The following TAF1B variants were observed in gnomAD, a reference collection of about 807,000 sequenced individuals.
TAF1B encodes TATA-box binding protein associated factor, RNA polymerase I subunit B.
In TAF1B, 61 loss-of-function variants were observed where a neutral mutation model predicts 83.9. That is an observed-to-expected ratio of 0.73 (90% CI 0.59 to 0.90). The LOEUF is 0.90. TAF1B is among the 40% of genes least tolerant of loss of function. The pLI, the probability that TAF1B is intolerant of heterozygous loss-of-function variation, is 0.00. For synonymous variants in TAF1B, 221 were observed against 224.6 expected (o/e 0.98, Z 0.14); for missense variants, 625 against 677.0 (o/e 0.92, Z 0.85).
At chr2:9,856,051 T>G (rs1005268390) in intron 5 of TAF1B, among the ~76,000 whole-genome samples, 1 of 152,208 alleles carries the variant, frequency 6.6e-6, no homozygotes, top group Non-Finnish European at 1.5e-5. Flanking sequence ...TTTGGCCCAG[T>G]GTTTCCTTGT....
chr2:9,870,006 A>C (rs1664115860), intron 6 of TAF1B, among the ~76,000 whole-genome samples: 1 of 152,134 alleles, frequency 6.6e-6, no homozygotes, highest in South Asian at 2.1e-4. Flanking sequence ...CATTCCAGAA[A>C]GTTTTTCTTC....
At chr2:9,851,203 C>CT (rs916143761) in intron 3 of TAF1B, among the ~76,000 whole-genome samples, 7 of 151,856 alleles carry the variant, frequency 4.6e-5, no homozygotes, top group Admixed American at 2.0e-4. Context: ...ACTCGTTTCA[C>CT]TTTTTTTTAA....
rs368313312 is a variant in TAF1B, at chr2:9,929,244, C to T, written c.1566-4539C>T. Reference sequence around the variant, plus strand: ...CACAATCTCGGCTGACTGCAACCTCCGCCTCCCGGGTTCACGCCATTCTCC... The same window carrying T: ...CACAATCTCGGCTGACTGCAACCTCTGCCTCCCGGGTTCACGCCATTCTCC... On this transcript the variant is annotated intron_variant, in intron 14 of 14. Coordinates refer to ENST00000263663, the MANE Select transcript of TAF1B (RefSeq NM_005680.3). Among the ~76,000 whole-genome samples, 68 of 152,200 alleles carry T rather than the reference C, an allele frequency of 4.5e-4. 1 individual carries two copies. The South Asian group carries it at 0.014, about 31-fold the overall frequency.
intron 12 of TAF1B, 26 bp from the exon 13 acceptor site, chr2:9,919,015 T>G: frequency 6.3e-7 from 1 of 1,594,530 alleles, no homozygotes; most frequent in South Asian, 1.1e-5. Flanking sequence ...TCCGTCCTGC[T>G]CCAGCTGTTT....
chr2:9,910,076 T>G (rs1572275301), intron 9 of TAF1B, among the ~76,000 whole-genome samples: 2 of 152,244 alleles, frequency 1.3e-5, no homozygotes, highest in Admixed American at 1.3e-4. Flanking sequence ...GTACAGAAAT[T>G]TTTTGTTTAG....
chr2:9,893,948 A>G (rs1310754045), intron 8 of TAF1B, among the ~76,000 whole-genome samples: 1 of 152,186 alleles, frequency 6.6e-6, no homozygotes, highest in Non-Finnish European at 1.5e-5. Flanking sequence ...CAGATATAGT[A>G]TATGTATTCT....
chr2:9,928,797 A>T (rs1264901954), intron 14 of TAF1B, among the ~76,000 whole-genome samples: 1 of 152,236 alleles, frequency 6.6e-6, no homozygotes, highest in Non-Finnish European at 1.5e-5. Flanking sequence ...CAATCATGTC[A>T]TGTACAAACA....
At chr2:9,927,160 G>T (rs748107469) in intron 14 of TAF1B, among the ~76,000 whole-genome samples, 11 of 151,978 alleles carry the variant, frequency 7.2e-5, no homozygotes, top group Non-Finnish European at 1.5e-4. Context: ...TCAGAATGAT[G>T]GTTTCCAGCT....
intron 14 of TAF1B, among the ~76,000 whole-genome samples, chr2:9,932,621 G>A (rs34153848): frequency 0.27 from 41,699 of 152,126 alleles, 6,762 homozygotes; most frequent in Middle Eastern, 0.39. Context: ...TAGGCTGCAC[G>A]GGGGTCAGGG....
chr2:9,882,599 TA>T (rs2125154860), intron 7 of TAF1B, 106 bp from the exon 8 acceptor site: 1 of 595,682 alleles, frequency 1.7e-6, no homozygotes, highest in East Asian at 3.1e-5. Flanking sequence ...AGAATATGCT[TA>T]ACTAATTCTT....
At position 9,917,900 on chromosome 2, in the gene TAF1B, G is replaced by A. The variant is rs370745340; in HGVS notation, c.1272-1141G>A. ...ATCCCGGCTAAAACGGTGAAACCCC[G>A]TCTCTACTAAAAATACAAAAAATTA... is the stretch of plus-strand genomic sequence containing the variant. On this transcript the variant is annotated intron_variant, in intron 12 of 14. Transcript: ENST00000263663. Among the ~76,000 whole-genome samples the A allele has an allele frequency of 2.5e-4, 38 of 151,826 alleles. 1 individual carries two copies. In the East Asian group the frequency reaches 7.0e-3, roughly 28 times the overall value.
rs1183084559 is a variant in TAF1B at position 9,845,229 on chromosome 2, A to C, written c.28A>C (p.Lys10Gln). ...TCCTCTTCTCCCATAGGAAGAGTTT[A>C]AAGAACGCTGTACTCAGTGTGCTGC... is the stretch of plus-strand genomic sequence containing the variant. The part of the protein sequence containing the change: MDLEEAEEF[K>Q]ERCTQCAAVS... The change falls in exon 2 of 15, where the codon AAA becomes CAA. Residue 10 changes from lysine (K) to glutamine (Q), a missense_variant. By Grantham distance (53) the Lys-to-Gln change is moderately conservative (BLOSUM62 1). Transcript: ENST00000263663. The C allele has an allele frequency of 1.2e-6, 2 of 1,613,564 alleles. No homozygotes were observed. Among genetic ancestry groups the C allele is most frequent in the African/African-American group, 2.7e-5 (2 of 74,930 alleles).
chr2:9,896,009 C>G (rs1665008423), intron 8 of TAF1B, among the ~76,000 whole-genome samples: 1 of 152,056 alleles, frequency 6.6e-6, no homozygotes, highest in South Asian at 2.1e-4. Flanking sequence ...AATGCTTTCC[C>G]AAGCACTCCG....
chr2:9,895,931 TTACC>T (rs1665005891), intron 8 of TAF1B, among the ~76,000 whole-genome samples: 1 of 151,948 alleles, frequency 6.6e-6, no homozygotes, highest in African/African-American at 2.4e-5. Context: ...TAGCCTGTCC[TTACC>T]TGTCTTAAAG....
chr2:9,885,848 T>A (rs886134233), intron 8 of TAF1B, among the ~76,000 whole-genome samples: 3 of 152,146 alleles, frequency 2.0e-5, no homozygotes, highest in African/African-American at 7.2e-5. Flanking sequence ...GTTATTTGTA[T>A]ATTTTCCTAG....
intron 1 of TAF1B, chr2:9,843,859 A>T: frequency 9.5e-6 from 2 of 210,604 alleles, no homozygotes; most frequent in Admixed American, 6.0e-5. Flanking sequence ...GGCCACCCAC[A>T]GGGCTCATCC....
At chr2:9,861,760 C>A (rs555115505) in intron 5 of TAF1B, among the ~76,000 whole-genome samples, 4 of 152,172 alleles carry the variant, frequency 2.6e-5, no homozygotes, top group Non-Finnish European at 4.4e-5. Flanking sequence ...TCCAGAGGAA[C>A]GATCAGGCAG....
In TAF1B at chr2:9,862,663, T is replaced by C. The variant is rs564183455; in HGVS notation, c.400-5613T>C. ...ATTGTCAGATTCACCAAAGTTGAAA[T>C]GAAGGAAAACATGTTAAGGGCAGCC... is the stretch of plus-strand genomic sequence containing the variant. On this transcript the variant is annotated intron_variant, in intron 5 of 14. Transcript: ENST00000263663. Among the ~76,000 whole-genome samples the C allele has an allele frequency of 3.3e-3, 508 of 152,096 alleles. 5 individuals carry two copies. Among genetic ancestry groups the C allele is most frequent in the African/African-American group, 0.012 (489 of 41,482 alleles).
rs772822414 is a variant in TAF1B at position 9,904,987 on chromosome 2, G to A, written c.936G>A (p.Leu312=). ...LHPNILCMKY[L]MEVNLPDEMH... Reference sequence around the variant, plus strand: ...CCAACATACTGTGTATGAAATACTTGATGGAAGTCAACCTCCCTGGTAAGT... The same window carrying A: ...CCAACATACTGTGTATGAAATACTTAATGGAAGTCAACCTCCCTGGTAAGT... The change falls in exon 9 of 15, where the codon TTG becomes TTA. Residue 312 remains leucine (L), a synonymous_variant. Transcript: ENST00000263663. The A allele has an allele frequency of 6.2e-7, 1 of 1,612,362 alleles. No individual in the cohort carries two copies. The highest frequency in any genetic ancestry group is 1.1e-5 in the South Asian group (1 of 90,984).
Sources: gnomAD v4.1 joint callset for allele counts (sites outside exome capture counted in the v4.1 genomes callset) on GRCh38, gnomAD v4.1.1 for gene constraint, MANE v1.5 for transcripts, NCBI Gene and HGNC (gene_info 2026-07-23, HGNC 2026-07-21) for gene names.